TAMM41: variants seen among roughly 807,000 people sequenced by gnomAD.
TAMM41 encodes phosphatidate cytidylyltransferase, mitochondrial.
TAMM41 carries 36 observed loss-of-function variants against 44.1 expected under a neutral mutation model. The ratio of observed to expected loss-of-function variants is 0.82; its 90% CI spans 0.63 to 1.08. The LOEUF (loss-of-function observed/expected upper bound fraction) is 1.08, where lower values mean the gene tolerates loss of function less well. Among genes scored for constraint, TAMM41 ranks in the 50% least tolerant of loss-of-function variants. TAMM41 has a pLI of 0.00. For synonymous variants in TAMM41, 164 were observed against 153.1 expected (o/e 1.07, Z -0.53); for missense variants, 417 against 404.3 (o/e 1.03, Z -0.27).
chr3:11,774,697 GA>G, the TAMM41 span, among the ~76,000 whole-genome samples: 1 of 152,100 alleles, frequency 6.6e-6, no homozygotes, highest in African/African-American at 2.4e-5. Flanking sequence ...GGCACTGGCA[GA>G]TTCAGTGTCT....
At chr3:11,785,613 C>T (rs988663444), downstream of TAMM41, among the ~76,000 whole-genome samples, 5 of 151,958 alleles carry the variant, frequency 3.3e-5, no homozygotes, top group African/African-American at 9.7e-5. Context: ...TGTGAGCCAC[C>T]GTGCCCAGCC....
rs781661240 is a variant in TAMM41 at position 11,846,525 on chromosome 3, C to G, written c.112G>C (p.Ala38Pro). ...ACCTTCTGGTCTGAACTCGGCCCTG[C>G]CTGGCGGTACACCCCGGAGCCGTAG... is the stretch of plus-strand genomic sequence containing the variant. ...FVYGSGVYRQ[A>P]GPSSDQKNAM... The change falls in exon 1 of 8, where the codon GCA (alanine) becomes CCA (proline). Residue 38 changes from alanine to proline, a missense_variant. By Grantham distance (27) the Ala-to-Pro change is conservative. Coordinates refer to ENST00000455809, the MANE Select transcript of TAMM41 (RefSeq NM_001284401.2). 1 of 1,614,196 alleles carries G rather than the reference C, an allele frequency of 6.2e-7. No homozygotes were observed. The highest frequency in any genetic ancestry group is 8.5e-7 in the Non-Finnish European group (1 of 1,180,036).
chr3:11,839,008 A>G (rs2079310387), intron 3 of TAMM41, among the ~76,000 whole-genome samples: 2 of 152,242 alleles, frequency 1.3e-5, no homozygotes, highest in South Asian at 4.1e-4. Context: ...CCTCTGAACC[A>G]GGAGCCCAAG....
At chr3:11,764,381 A>C in the TAMM41 span, among the ~76,000 whole-genome samples, 15 of 151,870 alleles carry the variant, frequency 9.9e-5, no homozygotes, top group African/African-American at 3.6e-4. Context: ...GTGAAGTGCC[A>C]GACCCTGACA....
At chr3:11,755,590 C>G in the TAMM41 span, among the ~76,000 whole-genome samples, 1 of 152,088 alleles carries the variant, frequency 6.6e-6, no homozygotes, top group South Asian at 2.1e-4. Flanking sequence ...TATTGTCGGG[C>G]GGGGATGTCC....
intron 2 of TAMM41, among the ~76,000 whole-genome samples, chr3:11,842,347 T>C (rs978070699): frequency 7.1e-6 from 1 of 140,678 alleles, no homozygotes; most frequent in Non-Finnish European, 1.5e-5. Context: ...TGAGCAGAGA[T>C]CGCACCATTG....
chr3:11,819,320 A>G (rs1472936028), intron 4 of TAMM41, among the ~76,000 whole-genome samples: 2 of 152,198 alleles, frequency 1.3e-5, no homozygotes, highest in Non-Finnish European at 2.9e-5. Context: ...TTTAATACAC[A>G]CAGCTCTCCT....
chr3:11,778,583 G>A, the TAMM41 span, among the ~76,000 whole-genome samples: 1 of 152,112 alleles, frequency 6.6e-6, no homozygotes, highest in Non-Finnish European at 1.5e-5. Context: ...CTGTCTTCAT[G>A]TCTCTGTAAA....
At chr3:11,841,380 G>C (rs987590993) in intron 2 of TAMM41, among the ~76,000 whole-genome samples, 3 of 152,040 alleles carry the variant, frequency 2.0e-5, no homozygotes, top group African/African-American at 7.2e-5. Context: ...GCCGTGCCCG[G>C]ACAGTTAAGC....
the TAMM41 span, among the ~76,000 whole-genome samples, chr3:11,779,368 G>A: frequency 6.6e-6 from 1 of 152,168 alleles, no homozygotes; most frequent in African/African-American, 2.4e-5. Flanking sequence ...GCCAGGTCGT[G>A]CAGGAACTAT....
intron 7 of TAMM41, among the ~76,000 whole-genome samples, chr3:11,796,615 G>C (rs915118036): frequency 2.0e-5 from 3 of 152,088 alleles, no homozygotes; most frequent in African/African-American, 7.2e-5. Context: ...AAATATGCTA[G>C]GGTTTTCTCA....
chr3:11,786,550 G>T (rs563681852), downstream of TAMM41, among the ~76,000 whole-genome samples: 44 of 151,812 alleles, frequency 2.9e-4, no homozygotes, highest in South Asian at 9.2e-3. Flanking sequence ...TGATCCACCC[G>T]CCTCAGCCTC....
the TAMM41 span, among the ~76,000 whole-genome samples, chr3:11,777,977 C>T: frequency 4.7e-4 from 72 of 152,224 alleles, no homozygotes; most frequent in African/African-American, 1.6e-3. Context: ...CATCGTGTCT[C>T]GGTACATCTG....
At chr3:11,820,747 A>C (rs1047767645) in intron 4 of TAMM41, among the ~76,000 whole-genome samples, 1 of 152,252 alleles carries the variant, frequency 6.6e-6, no homozygotes, top group Non-Finnish European at 1.5e-5. Flanking sequence ...TGTTTTCAAC[A>C]AAACTACAGC....
intron 7 of TAMM41, among the ~76,000 whole-genome samples, chr3:11,796,723 A>G (rs888654012): frequency 2.6e-5 from 4 of 152,166 alleles, no homozygotes; most frequent in African/African-American, 9.7e-5. Flanking sequence ...CAGAACAACA[A>G]CAGCTATGAT....
At chr3:11,730,417 CA>C in the TAMM41 span, among the ~76,000 whole-genome samples, 1,638 of 99,130 alleles carry the variant, frequency 0.017, 14 homozygotes, top group African/African-American at 0.046. Context: ...TACTTCATCT[CA>C]AAAAAAAAAA....
chr3:11,759,933 C>T, the TAMM41 span, among the ~76,000 whole-genome samples: 1 of 151,772 alleles, frequency 6.6e-6, no homozygotes, highest in Non-Finnish European at 1.5e-5. Flanking sequence ...GAGATCGCGC[C>T]ATTGCACTCC....
At chr3:11,803,240 C>A (rs2077805110) in intron 7 of TAMM41, among the ~76,000 whole-genome samples, 1 of 152,168 alleles carries the variant, frequency 6.6e-6, no homozygotes, top group South Asian at 2.1e-4. Context: ...CCACTGCACT[C>A]TAGCCTGGGT....
intron 4 of TAMM41, among the ~76,000 whole-genome samples, chr3:11,829,023 T>TG (rs2078874421): frequency 6.6e-6 from 1 of 152,094 alleles, no homozygotes; most frequent in African/African-American, 2.4e-5. Context: ...AAAAGATAGA[T>TG]GGGGGCTCCT....
Sources: allele counts gnomAD v4.1 joint callset (sites outside exome capture counted in the v4.1 genomes callset), GRCh38; gene constraint gnomAD v4.1.1; transcripts MANE v1.5; gene names NCBI Gene and HGNC (gene_info 2026-07-23, HGNC 2026-07-21).